The following NIBAN3 variants were observed in gnomAD, a reference collection of about 807,000 sequenced individuals.
NIBAN3 encodes the protein niban apoptosis regulator 3, also known as protein Niban 3.
Under a neutral mutation model 76.4 loss-of-function variants are expected in NIBAN3, and 66 were observed. The ratio of observed to expected loss-of-function variants is 0.86; its 90% CI spans 0.71 to 1.06. The LOEUF is 1.06. Among genes scored for constraint, NIBAN3 ranks in the 50% least tolerant of loss-of-function variants. The probability of loss-of-function intolerance (pLI) is 0.00; values close to 1 mark genes in which losing one functional copy is unlikely to be tolerated. For synonymous variants in NIBAN3, 360 were observed against 355.2 expected, an observed-to-expected ratio of 1.01 and a Z score of -0.15; for missense variants, 808 against 810.7, an observed-to-expected ratio of 1.00 and a Z score of 0.04.
At position 17,546,804 on chromosome 19, in the gene NIBAN3, C is replaced by T. The variant is rs145766458; in HGVS notation, c.1666+7C>T. On this transcript the variant is annotated splice_region_variant and intron_variant, in intron 13 of 14. Coordinates refer to ENST00000599164, the MANE Select transcript of NIBAN3 (RefSeq NM_001321827.2). ...CTGCAGAGGATTGACCAAGGTGAGT[C>T]CCGCCCTGCCATGGCTCAGAGGAGC... The T allele has an allele frequency of 3.1e-4, 486 of 1,585,448 alleles. 1 individual carries two copies. The highest frequency in any genetic ancestry group is 8.3e-4 in the Middle Eastern group (5 of 6,026).
At chr19:17,526,062 A>AT (rs1169237479), upstream of NIBAN3, among the ~76,000 whole-genome samples, 1 of 151,782 alleles carries the variant, frequency 6.6e-6, no homozygotes, top group Non-Finnish European at 1.5e-5. Flanking sequence ...TAAAAAAAAA[A>AT]GAACACTTTA....
At chr19:17,536,668 G>A (rs1480660958) in intron 4 of NIBAN3, among the ~76,000 whole-genome samples, 1 of 152,168 alleles carries the variant, frequency 6.6e-6, no homozygotes, top group Non-Finnish European at 1.5e-5. Context: ...GCCTCCAAAG[G>A]TGCTGGGATT....
chr19:17,525,772 T>C (rs1015655959), upstream of NIBAN3, among the ~76,000 whole-genome samples: 4 of 151,848 alleles, frequency 2.6e-5, no homozygotes, highest in African/African-American at 4.8e-5. Flanking sequence ...ACGGAGAGTT[T>C]TGGGGTGCTA....
intron 5 of NIBAN3, 137 bp downstream of exon 5, chr19:17,537,680 T>TC: frequency 2.6e-6 from 2 of 776,896 alleles, no homozygotes; most frequent in East Asian, 5.7e-5. Context: ...GTGTGGTGGT[T>TC]CATGCCTGTA....
At chr19:17,543,223 A>C in intron 10 of NIBAN3, 94 bp from the exon 11 acceptor site, 1 of 775,420 alleles carries the variant, frequency 1.3e-6, no homozygotes, top group Non-Finnish European at 2.1e-6. Flanking sequence ...TGGTTGGAAC[A>C]GGTTGGATGC....
In NIBAN3 at chr19:17,534,752, C is replaced by G. The variant is rs148153113; in HGVS notation, c.427+1051C>G. On this transcript the variant is annotated intron_variant, in intron 4 of 14. Coordinates refer to ENST00000599164, the MANE Select transcript of NIBAN3 (RefSeq NM_001321827.2). ...CTTGCAGTGAGCCGAGATCGCGCCA[C>G]TGCACTCCAGCCAGGGTGACAGAGC... Among the ~76,000 whole-genome samples, 1,450 of 147,178 alleles carry G rather than the reference C, an allele frequency of 9.9e-3. 15 individuals are homozygous for G. Among genetic ancestry groups the G allele is most frequent in the African/African-American group, 0.033 (1,284 of 38,990 alleles).
intron 12 of NIBAN3, chr19:17,546,437 G>A: frequency 2.1e-6 from 1 of 477,938 alleles, no homozygotes; most frequent in South Asian, 7.4e-5. Context: ...GGCTGGTCTT[G>A]AACTCCTGAC....
chr19:17,553,477 G>C lies in NIBAN3; in HGVS notation c.*1579G>C. On this transcript the variant is annotated 3_prime_UTR_variant, in exon 15 of 15. Coordinates refer to ENST00000599164, the MANE Select transcript of NIBAN3 (RefSeq NM_001321827.2). ...CCACAGGGATTCCCGTGTGTTCTTG[G>C]TTCAGCTTGCAGAGGGACTTTCACA... The C allele has an allele frequency of 6.2e-7, 1 of 1,614,154 alleles. No homozygotes were observed. Among genetic ancestry groups the C allele is most frequent in the Non-Finnish European group, 8.5e-7 (1 of 1,180,044 alleles).
At chr19:17,546,943 G>T in intron 13 of NIBAN3, 146 bp downstream of exon 13, 1 of 1,019,558 alleles carries the variant, frequency 9.8e-7, no homozygotes, top group Non-Finnish European at 1.4e-6. Context: ...GAGGTCCAGG[G>T]TAGAGGAGCT....
Position 17,540,472 on chromosome 19 carries a change from C to T in NIBAN3, c.1060C>T (p.Arg354Cys). Residue 354 changes from arginine (R) to cysteine (C), a missense_variant, in exon 9 of 15, where the codon CGC becomes TGC. Transcript: ENST00000599164. ...GCCCCGGGTCGTGCAGACCCTGCTG[C>T]GCACCGTGGAAGCCTCGCTCGAGGC... The part of the protein sequence containing the change: ...QLPRVVQTLL[R>C]TVEASLEAVR... 3.8e-6 allele frequency: 6 copies of T among 1,598,386 alleles called. No homozygotes were observed. Among genetic ancestry groups the T allele is most frequent in the Non-Finnish European group, 5.1e-6 (6 of 1,172,604 alleles).
At position 17,552,026 on chromosome 19, in the gene NIBAN3, A is replaced by G; in HGVS notation, c.*128A>G. On this transcript the variant is annotated 3_prime_UTR_variant, in exon 15 of 15. Coordinates refer to ENST00000599164, the MANE Select transcript of NIBAN3 (RefSeq NM_001321827.2). ...ACTTCAGAAAACTGTACCATTTTAT[A>G]CTCCAAGCAGCAGCATTTATTTGTG... 2.0e-6 allele frequency: 1 copy of G among 506,536 alleles called. No homozygotes were observed. Among genetic ancestry groups the G allele is most frequent in the Non-Finnish European group, 3.6e-6 (1 of 278,110 alleles). 31.4% of individuals were successfully genotyped at this position (506,536 alleles called of 1,614,324 possible).
chr19:17,545,035 C>T (rs975500047), intron 12 of NIBAN3, among the ~76,000 whole-genome samples: 7 of 151,954 alleles, frequency 4.6e-5, no homozygotes, highest in East Asian at 1.9e-4. Flanking sequence ...TGGTGGTGCA[C>T]GCCTGTAGTC....
At chr19:17,530,543 A>G (rs1408573137) in intron 1 of NIBAN3, among the ~76,000 whole-genome samples, 1 of 133,660 alleles carries the variant, frequency 7.5e-6, no homozygotes, top group Non-Finnish European at 1.6e-5. Context: ...AAAAAAAAAA[A>G]AAAAAAAAAA....
Position 17,553,259 on chromosome 19 carries a change from G to T in NIBAN3, c.*1361G>T. 1 of 1,595,280 alleles carries T rather than the reference G, an allele frequency of 6.3e-7. No homozygotes were observed. Among genetic ancestry groups the T allele is most frequent in the South Asian group, 1.1e-5 (1 of 89,274 alleles). ...TGAACGCTTTGTGATACAGGTTACA[G>T]ATTTTGGGGTTTTTTTCTCCGCTTG... On this transcript the variant is annotated 3_prime_UTR_variant, in exon 15 of 15. Coordinates refer to ENST00000599164, the MANE Select transcript of NIBAN3 (RefSeq NM_001321827.2).
chr19:17,536,354 T>C (rs2144706594), intron 4 of NIBAN3, among the ~76,000 whole-genome samples: 1 of 141,182 alleles, frequency 7.1e-6, no homozygotes, highest in South Asian at 2.1e-4. Flanking sequence ...CCACACCCTG[T>C]AAATTTTGTG....
At chr19:17,526,157 C>CA (rs1353389416), upstream of NIBAN3, among the ~76,000 whole-genome samples, 1 of 151,642 alleles carries the variant, frequency 6.6e-6, no homozygotes, top group Non-Finnish European at 1.5e-5. Flanking sequence ...ACTGAAAATA[C>CA]AAAAAATTAG....
At chr19:17,531,834 C>T (rs78374709) in intron 2 of NIBAN3, among the ~76,000 whole-genome samples, 298 of 152,340 alleles carry the variant, frequency 2.0e-3, no homozygotes, top group Non-Finnish European at 3.1e-3. Flanking sequence ...GGCCTCCAGA[C>T]ATCTCTGGAG....
chr19:17,526,932 G>C (rs1457408203), upstream of NIBAN3, among the ~76,000 whole-genome samples: 2 of 152,066 alleles, frequency 1.3e-5, no homozygotes, highest in Non-Finnish European at 2.9e-5. Flanking sequence ...CAGCCTCACC[G>C]GGCACAGGGT....
At chr19:17,537,728 C>G (rs555451408) in intron 5 of NIBAN3, among the ~76,000 whole-genome samples, 185 bp downstream of exon 5, 1 of 151,554 alleles carries the variant, frequency 6.6e-6, no homozygotes, top group African/African-American at 2.4e-5. Flanking sequence ...GGCAGATCAC[C>G]CAATGTCAGG....
Sources: gnomAD v4.1 joint callset for allele counts (sites outside exome capture counted in the v4.1 genomes callset) on GRCh38, gnomAD v4.1.1 for gene constraint, MANE v1.5 for transcripts, NCBI Gene and HGNC (gene_info 2026-07-23, HGNC 2026-07-21) for gene names.